Variants in SLC35D4 observed in about 807,000 individuals in gnomAD.
SLC35D4 encodes solute carrier family 35 member D4.
the SLC35D4 span, among the ~76,000 whole-genome samples, chr18:23,330,786 C>T: frequency 6.6e-6 from 1 of 152,190 alleles, no homozygotes. Flanking sequence ...GTGTTTTCTA[C>T]ATTGTACAGT....
chr18:23,293,052 C>T, the SLC35D4 span, among the ~76,000 whole-genome samples: 3 of 152,242 alleles, frequency 2.0e-5, no homozygotes, highest in East Asian at 3.9e-4. Flanking sequence ...CCAGCCTGAC[C>T]AATGTTGTGA....
At chr18:23,248,639 C>T in the SLC35D4 span, among the ~76,000 whole-genome samples, 3 of 150,526 alleles carry the variant, frequency 2.0e-5, no homozygotes, top group Admixed American at 6.7e-5. Context: ...ACCAGCCTGA[C>T]CAACATGGTG....
the SLC35D4 span, among the ~76,000 whole-genome samples, chr18:23,252,202 C>T: frequency 2.0e-5 from 3 of 152,016 alleles, 1 homozygote; most frequent in South Asian, 6.2e-4. Flanking sequence ...TAGTGGTTGC[C>T]AGGAGCTGGA....
chr18:23,340,270 G>C, the SLC35D4 span, among the ~76,000 whole-genome samples: 1 of 152,112 alleles, frequency 6.6e-6, no homozygotes, highest in Non-Finnish European at 1.5e-5. Flanking sequence ...CCAGGAGTTT[G>C]AGGATACAGT....
the SLC35D4 span, among the ~76,000 whole-genome samples, chr18:23,358,471 C>T: frequency 1.2e-4 from 19 of 152,100 alleles, no homozygotes; most frequent in Non-Finnish European, 2.2e-4. Context: ...ACACAGTCCT[C>T]GGGAAATCAT....
chr18:23,398,267 T>G, the SLC35D4 span, among the ~76,000 whole-genome samples: 1 of 152,208 alleles, frequency 6.6e-6, no homozygotes, highest in African/African-American at 2.4e-5. Flanking sequence ...AAGCACTGTA[T>G]GAACAAAAAG....
chr18:23,257,586 G>A, the SLC35D4 span: 185 of 486,690 alleles, frequency 3.8e-4, no homozygotes, highest in African/African-American at 2.6e-3. Flanking sequence ...GGGAAGAGGA[G>A]GTGTGTGCTG....
the SLC35D4 span, among the ~76,000 whole-genome samples, chr18:23,364,666 A>G: frequency 6.6e-6 from 1 of 152,110 alleles, no homozygotes; most frequent in Non-Finnish European, 1.5e-5. Flanking sequence ...GCACTTTGGG[A>G]GGCCAAGGTG....
the SLC35D4 span, among the ~76,000 whole-genome samples, chr18:23,311,104 CT>C: frequency 3.3e-3 from 475 of 142,112 alleles, no homozygotes; most frequent in African/African-American, 3.6e-3. Flanking sequence ...TTTCTCTTCC[CT>C]TTTTTTTTTT....
At chr18:23,336,808 G>A in the SLC35D4 span, among the ~76,000 whole-genome samples, 4 of 152,168 alleles carry the variant, frequency 2.6e-5, no homozygotes, top group African/African-American at 9.7e-5. Context: ...GAGAAAGACA[G>A]TAACAGGCTC....
the SLC35D4 span, chr18:23,254,051 A>G: frequency 6.1e-6 from 5 of 816,782 alleles, no homozygotes; most frequent in Admixed American, 2.1e-5. Flanking sequence ...TTAGTCAGCA[A>G]TTGAGGTGAA....
the SLC35D4 span, among the ~76,000 whole-genome samples, chr18:23,292,451 G>A: frequency 6.6e-6 from 1 of 152,208 alleles, no homozygotes; most frequent in Non-Finnish European, 1.5e-5. Flanking sequence ...GAAAGAAACT[G>A]GGACACTCTG....
At chr18:23,338,647 C>G in the SLC35D4 span, among the ~76,000 whole-genome samples, 74 of 152,204 alleles carry the variant, frequency 4.9e-4, no homozygotes, top group East Asian at 5.4e-3. Flanking sequence ...CACCCCCCAG[C>G]CATTTTCACA....
chr18:23,335,530 T>C, the SLC35D4 span, among the ~76,000 whole-genome samples: 1 of 152,066 alleles, frequency 6.6e-6, no homozygotes, highest in African/African-American at 2.4e-5. Flanking sequence ...ACACAGAGGG[T>C]CTTTAAAAAG....
chr18:23,246,199 GGCTGCA>G, the SLC35D4 span, among the ~76,000 whole-genome samples: 1 of 151,886 alleles, frequency 6.6e-6, no homozygotes, highest in African/African-American at 2.4e-5. Flanking sequence ...GGGAGGCAGA[GGCTGCA>G]GTGAGCAGAG....
the SLC35D4 span, among the ~76,000 whole-genome samples, chr18:23,246,394 T>A: frequency 3.3e-5 from 5 of 152,120 alleles, no homozygotes; most frequent in Admixed American, 3.3e-4. Context: ...AGTTTTTGTT[T>A]TTTGGTTTTT....
the SLC35D4 span, among the ~76,000 whole-genome samples, chr18:23,302,116 G>C: frequency 6.6e-6 from 1 of 152,358 alleles, no homozygotes; most frequent in South Asian, 2.1e-4. Context: ...TTCTCCTAGA[G>C]CTGCTCACAG....
chr18:23,282,679 A>AG, the SLC35D4 span, among the ~76,000 whole-genome samples: 4 of 152,102 alleles, frequency 2.6e-5, no homozygotes, highest in Non-Finnish European at 5.9e-5. Flanking sequence ...ACCCCAGGGT[A>AG]GGGGTGGGAG....
At chr18:23,311,903 G>A in the SLC35D4 span, among the ~76,000 whole-genome samples, 4 of 150,490 alleles carry the variant, frequency 2.7e-5, no homozygotes, top group Admixed American at 2.7e-4. Flanking sequence ...CAACTTCTTA[G>A]ACATGGCCTG....
Sources: gnomAD v4.1 joint callset for allele counts (sites outside exome capture counted in the v4.1 genomes callset) on GRCh38, gnomAD v4.1.1 for gene constraint, MANE v1.5 for transcripts, NCBI Gene and HGNC (gene_info 2026-07-23, HGNC 2026-07-21) for gene names.